The following EXOC6B variants were observed in gnomAD, a reference collection of about 807,000 sequenced individuals.
EXOC6B encodes the protein exocyst complex component 6B, also known as SEC15 homolog B.
A neutral mutation model predicts 113.5 loss-of-function variants in EXOC6B; 54 were observed. The observed-to-expected ratio is 0.48, with a 90% CI of 0.38 to 0.60. The LOEUF (loss-of-function observed/expected upper bound fraction) is 0.60, where lower values mean the gene tolerates loss of function less well. Among genes scored for constraint, EXOC6B ranks in the 20% least tolerant of loss-of-function variants. The pLI is 0.00. For synonymous variants in EXOC6B, 357 were observed against 339.0 expected (o/e 1.05, Z -0.58); for missense variants, 797 against 977.5 (o/e 0.82, Z 2.46).
At chr2:72,517,417 C>T (rs1413672941) in intron 8 of EXOC6B, among the ~76,000 whole-genome samples, 1 of 152,038 alleles carries the variant, frequency 6.6e-6, no homozygotes, top group Non-Finnish European at 1.5e-5. Context: ...TTTTAAAGTT[C>T]TAAAGTGATT....
intron 17 of EXOC6B, among the ~76,000 whole-genome samples, chr2:72,466,344 C>CAAAAA (rs551509210): frequency 2.3e-4 from 19 of 82,216 alleles, no homozygotes; most frequent in South Asian, 4.1e-4. Context: ...GACTCCACCT[C>CAAAAA]AAAAAAAAAA....
chr2:72,571,815 C>T (rs1418971350), intron 7 of EXOC6B, among the ~76,000 whole-genome samples: 1 of 152,082 alleles, frequency 6.6e-6, no homozygotes, highest in Non-Finnish European at 1.5e-5. Context: ...TGTCTATTTA[C>T]CATGTGTAGA....
chr2:72,526,674 G>A (rs1701759408), intron 8 of EXOC6B, among the ~76,000 whole-genome samples: 1 of 151,804 alleles, frequency 6.6e-6, no homozygotes, highest in African/African-American at 2.4e-5. Flanking sequence ...AAATAAATCT[G>A]TCATACTGAA....
chr2:72,298,534 C>T (rs1686295496), intron 20 of EXOC6B, among the ~76,000 whole-genome samples: 2 of 152,064 alleles, frequency 1.3e-5, no homozygotes, highest in East Asian at 1.9e-4. Context: ...CATTATGATG[C>T]CAGCTGGTTA....
intron 8 of EXOC6B, among the ~76,000 whole-genome samples, chr2:72,547,201 T>G (rs1485838894): frequency 6.6e-6 from 1 of 152,200 alleles, no homozygotes; most frequent in Non-Finnish European, 1.5e-5. Flanking sequence ...TATTCTCAAT[T>G]CCCTTATATC....
intron 18 of EXOC6B, among the ~76,000 whole-genome samples, chr2:72,391,230 G>A (rs773582011): frequency 3.3e-5 from 5 of 152,118 alleles, no homozygotes; most frequent in Admixed American, 3.3e-4. Flanking sequence ...AGATGTTTAT[G>A]GTTGAGATCA....
intron 8 of EXOC6B, among the ~76,000 whole-genome samples, chr2:72,518,479 G>A (rs1701323082): frequency 8.7e-6 from 1 of 114,964 alleles, no homozygotes; most frequent in South Asian, 3.8e-4. Flanking sequence ...ATGGATTAAA[G>A]TAGGGTGTGT....
intron 18 of EXOC6B, among the ~76,000 whole-genome samples, chr2:72,396,305 C>A (rs1692721451): frequency 6.6e-6 from 1 of 152,014 alleles, no homozygotes; most frequent in African/African-American, 2.4e-5. Context: ...AATATGTTAA[C>A]AATTAGAGAA....
At chr2:72,720,585 C>CA (rs1023031187) in intron 5 of EXOC6B, among the ~76,000 whole-genome samples, 31 of 151,744 alleles carry the variant, frequency 2.0e-4, no homozygotes, top group Admixed American at 1.4e-3. Flanking sequence ...TCATCTCTAC[C>CA]AAAAAAATTA....
rs548782123 is a variant in EXOC6B, at chr2:72,208,254, T to C, written c.2197-24067A>G. On this transcript the variant is annotated intron_variant, in intron 20 of 21. Transcript: ENST00000272427. Reference sequence around the variant, plus strand: ...TTCCCTCCCTCCCTTCCCCATCTAGTAGTCTGCAGTGTCTGTTGTTCCCAT... The same window carrying C: ...TTCCCTCCCTCCCTTCCCCATCTAGCAGTCTGCAGTGTCTGTTGTTCCCAT... Among the ~76,000 whole-genome samples the C allele has an allele frequency of 2.6e-5, 4 of 151,970 alleles. No individual in the cohort carries two copies. The East Asian group carries it at 7.7e-4, about 29-fold the overall frequency.
At chr2:72,362,768 T>C (rs1690398953) in intron 19 of EXOC6B, among the ~76,000 whole-genome samples, 3 of 152,140 alleles carry the variant, frequency 2.0e-5, no homozygotes, top group Admixed American at 2.0e-4. Context: ...TCTAATACAG[T>C]CACCCTCCTA....
intron 19 of EXOC6B, among the ~76,000 whole-genome samples, chr2:72,336,994 C>T (rs951986076): frequency 2.9e-4 from 39 of 135,420 alleles, no homozygotes; most frequent in Non-Finnish European, 4.4e-4. Flanking sequence ...GCAACAAGAA[C>T]GAAACTCAGT....
intron 6 of EXOC6B, among the ~76,000 whole-genome samples, chr2:72,604,668 T>C (rs766722526): frequency 6.6e-6 from 1 of 152,226 alleles, no homozygotes; most frequent in Non-Finnish European, 1.5e-5. Flanking sequence ...TGTACATAAC[T>C]GTACTTCTAT....
intron 6 of EXOC6B, among the ~76,000 whole-genome samples, chr2:72,668,722 C>T (rs567920056): frequency 2.3e-4 from 35 of 152,186 alleles, no homozygotes; most frequent in Non-Finnish European, 3.2e-4. Flanking sequence ...ACACTGGATA[C>T]GCACAGCCAT....
At chr2:72,705,178 G>A (rs549306881) in intron 6 of EXOC6B, among the ~76,000 whole-genome samples, 8 of 151,958 alleles carry the variant, frequency 5.3e-5, no homozygotes, top group Admixed American at 3.9e-4. Context: ...TTCAATATAC[G>A]CAAATCAATA....
chr2:72,782,809 A>C (rs1684135687), intron 1 of EXOC6B, among the ~76,000 whole-genome samples: 1 of 152,186 alleles, frequency 6.6e-6, no homozygotes, highest in Non-Finnish European at 1.5e-5. Context: ...TAATTCACTC[A>C]ACAAAATGAC....
chr2:72,779,226 T>C (rs1434082553), intron 1 of EXOC6B, among the ~76,000 whole-genome samples: 1 of 151,932 alleles, frequency 6.6e-6, no homozygotes, highest in Non-Finnish European at 1.5e-5. Context: ...AGAGCCATGA[T>C]TACAGTGAAA....
chr2:72,603,227 C>T (rs929102572), intron 6 of EXOC6B, among the ~76,000 whole-genome samples: 3 of 151,426 alleles, frequency 2.0e-5, no homozygotes, highest in African/African-American at 7.3e-5. Flanking sequence ...ATCATTAAAA[C>T]GAAAAGATCC....
At chr2:72,365,111 A>G (rs1051587459) in intron 19 of EXOC6B, among the ~76,000 whole-genome samples, 9 of 152,152 alleles carry the variant, frequency 5.9e-5, no homozygotes, top group African/African-American at 2.2e-4. Context: ...TTGCTGTTAT[A>G]TATTATCATG....
Sources: allele counts gnomAD v4.1 joint callset (sites outside exome capture counted in the v4.1 genomes callset), GRCh38; gene constraint gnomAD v4.1.1; transcripts MANE v1.5; gene names NCBI Gene and HGNC (gene_info 2026-07-23, HGNC 2026-07-21).